FCGRT: variants seen among roughly 807,000 people sequenced by gnomAD.
The protein encoded by FCGRT is IgG receptor FcRn large subunit p51.
A neutral mutation model predicts 35.7 loss-of-function variants in FCGRT; 13 were observed. That is an observed-to-expected ratio of 0.36 (90% confidence interval 0.24 to 0.58). The LOEUF is 0.58. Among genes scored for constraint, FCGRT ranks in the 20% least tolerant of loss-of-function variants. FCGRT has a pLI of 0.77. For missense variants in FCGRT, 455 were observed against 474.9 expected (o/e 0.96, Z 0.39); for synonymous variants, 233 against 216.5 (o/e 1.08, Z -0.67).
chr19:49,515,910 T>A (rs1438261288), intron 4 of FCGRT, among the ~76,000 whole-genome samples: 4 of 152,176 alleles, frequency 2.6e-5, no homozygotes, highest in Non-Finnish European at 1.5e-5. Context: ...CAGCCCTCCT[T>A]ATTCTTCAAG....
intron 4 of FCGRT, among the ~76,000 whole-genome samples, chr19:49,517,326 A>T (rs750989522): frequency 3.3e-5 from 5 of 152,140 alleles, no homozygotes; most frequent in Non-Finnish European, 7.4e-5. Context: ...CCCCATCTCT[A>T]CTAAACATAC....
At chr19:49,525,422 G>A in intron 5 of FCGRT, 35 bp from the exon 6 acceptor site, 2 of 1,511,328 alleles carry the variant, frequency 1.3e-6, no homozygotes, top group South Asian at 2.2e-5. Context: ...GGGTGGAGGG[G>A]CTGCTCCACA....
At chr19:49,514,512 T>A in intron 4 of FCGRT, 26 bp downstream of exon 4, 1 of 1,522,018 alleles carries the variant, frequency 6.6e-7, no homozygotes. Context: ...AGCCGCAGGC[T>A]GTTCTGTCCT....
Position 49,526,095 on chromosome 19 carries a change from A to G in FCGRT, c.1074A>G (p.Val358=). 1 of 1,612,948 alleles carries G rather than the reference A, an allele frequency of 6.2e-7. No individual in the cohort carries two copies. The highest frequency in any genetic ancestry group is 1.1e-5 in the South Asian group (1 of 91,070). Residue 358 remains valine (V), a synonymous_variant, in exon 7 of 7, where the codon GTA becomes GTG. Transcript: ENST00000221466. ...GEAQDADLKD[V]NVIPATA ...CCCAGGATGCTGATTTGAAGGATGT[A>G]AATGTGATTCCAGCCACCGCCTGAC...
intron 4 of FCGRT, among the ~76,000 whole-genome samples, chr19:49,516,368 G>A (rs1190092353): frequency 6.6e-6 from 1 of 150,938 alleles, no homozygotes; most frequent in Non-Finnish European, 1.5e-5. Context: ...TCAGCCTCCC[G>A]AGTAGCTGGG....
At chr19:49,517,239 C>T (rs2080012800) in intron 4 of FCGRT, among the ~76,000 whole-genome samples, 1 of 152,038 alleles carries the variant, frequency 6.6e-6, no homozygotes, top group Non-Finnish European at 1.5e-5. Flanking sequence ...GCCTGTAATT[C>T]CAACACTTTG....
chr19:49,513,354 T>TGGGGGGGGGGGC, intron 1 of FCGRT, 33 bp from the exon 2 acceptor site: 2 of 380,732 alleles, frequency 5.3e-6, no homozygotes, highest in Middle Eastern at 1.2e-3. Flanking sequence ...GGGCCGGGGG[T>TGGGGGGGGGGGC]CGGGAGGAGT....
chr19:49,513,804 C>T, intron 2 of FCGRT, 78 bp from the exon 3 acceptor site: 1 of 1,004,326 alleles, frequency 1.0e-6, no homozygotes, highest in Admixed American at 3.1e-5. Context: ...ATAGATTCTT[C>T]TCCCTCCCTG....
At chr19:49,522,873 G>T (rs1188370278) in intron 4 of FCGRT, among the ~76,000 whole-genome samples, 1 of 149,726 alleles carries the variant, frequency 6.7e-6, no homozygotes. Flanking sequence ...CGCCTCCCGG[G>T]TTCACGCCAT....
At position 49,524,677 on chromosome 19, in the gene FCGRT, C is replaced by T; in HGVS notation, c.772C>T (p.His258Tyr). ...CGGCCCCAACAGTGACGGATCCTTC[C>T]ACGCCTCGTCGTCACTAACAGTCAA... The part of the protein sequence containing the change: ...DFGPNSDGSF[H>Y]ASSSLTVKSG... The change falls in exon 5 of 7, where the codon CAC (histidine) becomes TAC (tyrosine). Residue 258 changes from histidine (H) to tyrosine (Y), a missense_variant. By Grantham distance (83) the His-to-Tyr change is moderately conservative. Around this residue, in one of 3 missense-constraint regions of FCGRT, gnomAD observed 312 missense variants for 296.1 expected, o/e 1.05. Transcript: ENST00000221466. 6.2e-7 allele frequency: 1 copy of T among 1,604,620 alleles called. No individual in the cohort carries two copies. The highest frequency in any genetic ancestry group is 1.3e-5 in the African/African-American group (1 of 75,058).
Position 49,515,936 on chromosome 19 carries a change from C to T in FCGRT, c.601+1450C>T, listed in dbSNP as rs191116323. Among the ~76,000 whole-genome samples, 14 of 152,324 alleles carry T rather than the reference C, an allele frequency of 9.2e-5. No homozygotes were observed. The East Asian group carries it at 2.3e-3, about 25-fold the overall frequency. On this transcript the variant is annotated intron_variant, in intron 4 of 6. Coordinates refer to ENST00000221466, the MANE Select transcript of FCGRT (RefSeq NM_001136019.3). ...ATTCTTCAAGGTCAGGGCTGGATAT[C>T]ACTTCCTCTGAGAAGCCTTTCCTCA... is the stretch of plus-strand genomic sequence containing the variant.
chr19:49,518,357 T>C (rs1357109183), intron 4 of FCGRT, among the ~76,000 whole-genome samples: 1 of 148,466 alleles, frequency 6.7e-6, no homozygotes, highest in Non-Finnish European at 1.5e-5. Context: ...TTTTTCTTTC[T>C]TTCTTTTTTT....
intron 2 of FCGRT, 31 bp from the exon 3 acceptor site, chr19:49,513,851 G>A (rs760601194): frequency 1.6e-5 from 25 of 1,547,650 alleles, no homozygotes; most frequent in Non-Finnish European, 2.2e-5. Flanking sequence ...CCCCGCCCGT[G>A]TGCTCCCTTC....
intron 4 of FCGRT, among the ~76,000 whole-genome samples, chr19:49,517,462 G>C (rs1405621884): frequency 6.6e-6 from 1 of 151,858 alleles, no homozygotes; most frequent in Non-Finnish European, 1.5e-5. Context: ...CTGCACTCCA[G>C]CCTGGGCAAC....
intron 1 of FCGRT, 49 bp from the exon 2 acceptor site, chr19:49,513,338 A>AGGGGC: frequency 1.1e-6 from 1 of 945,572 alleles, no homozygotes; most frequent in Non-Finnish European, 1.4e-6. Context: ...CCCGGGAGGA[A>AGGGGC]GGGGCGGGCC....
chr19:49,513,756 C>A (rs943855204), intron 2 of FCGRT, 126 bp from the exon 3 acceptor site: 10 of 191,188 alleles, frequency 5.2e-5, no homozygotes, highest in African/African-American at 2.9e-4. Context: ...CCCCGGGTTT[C>A]TGTCCCCTCT....
In FCGRT at chr19:49,524,524, C is replaced by T. The variant is rs141886822; in HGVS notation, c.619C>T (p.Leu207=). The change falls in exon 5 of 7, where the codon CTG becomes TTG. Residue 207 remains leucine, a synonymous_variant. Coordinates refer to ENST00000221466, the MANE Select transcript of FCGRT (RefSeq NM_001136019.3). Reference sequence around the variant, plus strand: ...TCCTGCAGAGCCCCCCTCCATGCGCCTGAAGGCCCGACCCAGCAGCCCTGG... The same window carrying T: ...TCCTGCAGAGCCCCCCTCCATGCGCTTGAAGGCCCGACCCAGCAGCCCTGG... ...LEWKEPPSMR[L]KARPSSPGFS... 1 of 1,608,822 alleles carries T rather than the reference C, an allele frequency of 6.2e-7. No individual in the cohort carries two copies. Among genetic ancestry groups the T allele is most frequent in the African/African-American group, 1.3e-5 (1 of 74,980 alleles).
At chr19:49,525,271 A>G in intron 5 of FCGRT, 186 bp from the exon 6 acceptor site, 2 of 621,528 alleles carry the variant, frequency 3.2e-6, no homozygotes, top group Non-Finnish European at 5.9e-6. Flanking sequence ...CTCGTGCTGT[A>G]GCTGGTTCTT....
intron 4 of FCGRT, chr19:49,520,914 T>C (rs1416993391): frequency 6.6e-6 from 1 of 152,262 alleles, no homozygotes; most frequent in Non-Finnish European, 1.5e-5. Context: ...GCTGCTGTGC[T>C]TTCCTGAAGC....
Sources: allele counts gnomAD v4.1 joint callset (sites outside exome capture counted in the v4.1 genomes callset), GRCh38; gene constraint gnomAD v4.1.1; regional missense constraint gnomAD v4.1.1; transcripts MANE v1.5; gene names NCBI Gene and HGNC (gene_info 2026-07-23, HGNC 2026-07-21).